EYS: variants seen among roughly 807,000 people sequenced by gnomAD.
The protein encoded by EYS is protein eyes shut homolog.
A neutral mutation model predicts 282.1 loss-of-function variants in EYS; 250 were observed. That is an observed-to-expected ratio of 0.89 (90% CI 0.80 to 0.98). The LOEUF is 0.98. Among genes scored for constraint, EYS ranks in the 50% least tolerant of loss-of-function variants. EYS has a pLI of 0.00. For synonymous variants in EYS, 1,355 were observed against 1,282.9 expected (o/e 1.06, Z -1.20); for missense variants, 4,016 against 3,709.0 (o/e 1.08, Z -2.15).
At chr6:64,049,105 G>A (rs1233192413) in intron 33 of EYS, among the ~76,000 whole-genome samples, 1 of 152,116 alleles carries the variant, frequency 6.6e-6, no homozygotes, top group Non-Finnish European at 1.5e-5. Context: ...TTTTGTGTGA[G>A]TATTTAGCTG....
intron 8 of EYS, among the ~76,000 whole-genome samples, chr6:65,371,917 C>G (rs188372368): frequency 1.3e-5 from 2 of 150,934 alleles, no homozygotes; most frequent in African/African-American, 4.9e-5. Flanking sequence ...GCAAATTGTA[C>G]TCATATGGAA....
chr6:65,153,848 C>G (rs1213187262), intron 12 of EYS, among the ~76,000 whole-genome samples: 1 of 151,806 alleles, frequency 6.6e-6, no homozygotes, highest in Non-Finnish European at 1.5e-5. Context: ...TTTAAAATAT[C>G]ATTGTTAAGT....
Position 63,772,954 on chromosome 6 carries a change from A to G in EYS, c.7898+5052T>C, listed in dbSNP as rs369795957. On this transcript the variant is annotated intron_variant, in intron 40 of 42. Coordinates refer to ENST00000503581, the MANE Select transcript of EYS (RefSeq NM_001142800.2). ...TTATATCTGTTTATCTATATCTATT[A>G]TCCCCTTTTCTTACATGTTTCTTTA... is the stretch of plus-strand genomic sequence containing the variant. Among the ~76,000 whole-genome samples the G allele has an allele frequency of 8.5e-5, 13 of 152,066 alleles. No individual in the cohort carries two copies. The East Asian group carries it at 2.1e-3, about 25-fold the overall frequency.
intron 5 of EYS, among the ~76,000 whole-genome samples, chr6:65,438,363 T>A (rs1331872865): frequency 6.6e-6 from 1 of 152,134 alleles, no homozygotes; most frequent in Non-Finnish European, 1.5e-5. Flanking sequence ...ATCCTTTGGG[T>A]ATATACCCAG....
chr6:65,040,348 G>T (rs547011687), intron 13 of EYS, among the ~76,000 whole-genome samples: 5 of 151,524 alleles, frequency 3.3e-5, no homozygotes, highest in African/African-American at 4.8e-5. Context: ...TCTGTCATTC[G>T]ATGGCTTGTA....
At chr6:64,526,558 T>C (rs1255113227) in intron 26 of EYS, among the ~76,000 whole-genome samples, 2 of 151,906 alleles carry the variant, frequency 1.3e-5, no homozygotes, top group Non-Finnish European at 2.9e-5. Flanking sequence ...ACCATCTCTG[T>C]TACATTATTA....
intron 8 of EYS, among the ~76,000 whole-genome samples, chr6:65,364,905 A>G (rs1290477349): frequency 6.6e-6 from 1 of 151,746 alleles, no homozygotes; most frequent in Non-Finnish European, 1.5e-5. Context: ...TTTTCTTTGG[A>G]TGAAAATCTC....
chr6:64,733,716 T>A (rs1237210687), intron 22 of EYS: 1 of 160,498 alleles, frequency 6.2e-6, no homozygotes, highest in South Asian at 1.8e-4. Flanking sequence ...GGGCTTAGAA[T>A]CATAGCGCTG....
At chr6:64,440,479 G>A (rs1385715832) in intron 26 of EYS, among the ~76,000 whole-genome samples, 1 of 151,994 alleles carries the variant, frequency 6.6e-6, no homozygotes, top group Non-Finnish European at 1.5e-5. Flanking sequence ...GTGTGTGTTT[G>A]TGTGTGTGTT....
intron 31 of EYS, among the ~76,000 whole-genome samples, chr6:64,138,546 G>C (rs1048480056): frequency 2.6e-5 from 4 of 152,156 alleles, no homozygotes; most frequent in African/African-American, 9.6e-5. Flanking sequence ...AGAGTCAAGA[G>C]AGTATACTTC....
At chr6:64,159,559 TAAAAAAAAAAAAAAAAAA>T (rs35139594) in intron 31 of EYS, among the ~76,000 whole-genome samples, 2 of 59,938 alleles carry the variant, frequency 3.3e-5, no homozygotes, top group African/African-American at 1.2e-4. Context: ...GACTCTGTCT[TAAAAAAAAAAAAAAAAAA>T]AAAAAAAAAA....
At chr6:65,248,308 G>A (rs930750895) in intron 12 of EYS, among the ~76,000 whole-genome samples, 38 of 152,012 alleles carry the variant, frequency 2.5e-4, no homozygotes, top group African/African-American at 8.7e-4. Context: ...TCCCTTCCTA[G>A]GACTTGCTTA....
intron 10 of EYS, among the ~76,000 whole-genome samples, chr6:65,335,704 C>A (rs180966896): frequency 1.8e-4 from 27 of 151,870 alleles, no homozygotes; most frequent in African/African-American, 6.3e-4. Flanking sequence ...GCTTTCCCCA[C>A]AAACTTGCTG....
intron 31 of EYS, among the ~76,000 whole-genome samples, chr6:64,187,437 G>C (rs565489876): frequency 6.6e-6 from 1 of 152,066 alleles, no homozygotes; most frequent in African/African-American, 2.4e-5. Context: ...GAGATTTAAC[G>C]TATTTCTTTG....
At chr6:65,697,070 CAT>C (rs1034204941) in intron 1 of EYS, among the ~76,000 whole-genome samples, 6 of 152,040 alleles carry the variant, frequency 3.9e-5, no homozygotes, top group African/African-American at 1.2e-4. Flanking sequence ...GTATATCTCA[CAT>C]ATATGTTTTT....
At chr6:65,013,410 G>T (rs774686309) in intron 13 of EYS, among the ~76,000 whole-genome samples, 1 of 152,116 alleles carries the variant, frequency 6.6e-6, no homozygotes, top group African/African-American at 2.4e-5. Flanking sequence ...GGGAGGTGGG[G>T]GGCAGGTGTT....
chr6:65,675,893 T>C (rs1768570516), intron 1 of EYS, among the ~76,000 whole-genome samples: 1 of 151,868 alleles, frequency 6.6e-6, no homozygotes, highest in Admixed American at 6.6e-5. Flanking sequence ...TCACACCAAG[T>C]ATCTTTCTTG....
chr6:65,581,876 T>A (rs937809665), intron 2 of EYS, among the ~76,000 whole-genome samples: 1 of 152,024 alleles, frequency 6.6e-6, no homozygotes, highest in African/African-American at 2.4e-5. Flanking sequence ...ATTGGTGATT[T>A]TTTTCAAAAT....
intron 35 of EYS, among the ~76,000 whole-genome samples, chr6:63,902,271 C>G (rs190922171): frequency 7.9e-5 from 12 of 152,006 alleles, no homozygotes; most frequent in South Asian, 2.1e-4. Context: ...TTCTGATTGT[C>G]AATCAGAATT....
Sources: gnomAD v4.1 joint callset for allele counts (sites outside exome capture counted in the v4.1 genomes callset) on GRCh38, gnomAD v4.1.1 for gene constraint, MANE v1.5 for transcripts, NCBI Gene and HGNC (gene_info 2026-07-23, HGNC 2026-07-21) for gene names.